Variants in HS2ST1 observed in about 807,000 individuals in gnomAD.
HS2ST1 encodes heparan sulfate 2-O-sulfotransferase 1, also known as 2-O-sulfotransferase.
In HS2ST1, 18 loss-of-function variants were observed where a neutral mutation model predicts 42.9. The ratio of observed to expected loss-of-function variants is 0.42; its 90% CI spans 0.29 to 0.62. The LOEUF (loss-of-function observed/expected upper bound fraction) is 0.62. HS2ST1 is among the 20% of genes least tolerant of loss of function. HS2ST1 has a pLI of 0.21. For synonymous variants in HS2ST1, 146 were observed against 152.9 expected, an observed-to-expected ratio of 0.95 and a Z score of 0.33; for missense variants, 334 against 433.8, an observed-to-expected ratio of 0.77 and a Z score of 2.04.
intron 1 of HS2ST1, among the ~76,000 whole-genome samples, chr1:86,995,009 G>A (rs1649058257): frequency 6.6e-6 from 1 of 151,760 alleles, no homozygotes; most frequent in African/African-American, 2.4e-5. Flanking sequence ...AAACATAAGG[G>A]GTACTGTATG....
chr1:86,915,147 C>G lies in HS2ST1; in HGVS notation c.111C>G (p.Ser37=), dbSNP rs1297776971. The change falls in exon 1 of 7, where the codon TCC becomes TCG. Residue 37 remains serine, a synonymous_variant. Coordinates refer to ENST00000370550, the MANE Select transcript of HS2ST1 (RefSeq NM_012262.4). ...LENQIQKLEE[S]RSKLERAIAR... ...ACCAGATCCAGAAACTGGAGGAGTCCCGCTCGAAGCTAGGTGAGGAACTGA... is the reference window on the plus strand; with the variant it reads ...ACCAGATCCAGAAACTGGAGGAGTCGCGCTCGAAGCTAGGTGAGGAACTGA... The G allele has an allele frequency of 3.1e-6, 5 of 1,613,542 alleles. No individual in the cohort carries two copies. The highest frequency in any genetic ancestry group is 4.2e-6 in the Non-Finnish European group (5 of 1,179,702).
intron 1 of HS2ST1, among the ~76,000 whole-genome samples, chr1:86,921,166 GC>G (rs894822504): frequency 7.5e-4 from 114 of 152,252 alleles, no homozygotes; most frequent in African/African-American, 2.7e-3. Flanking sequence ...GCTGAAGTAT[GC>G]TGTAGATGTC....
Position 87,073,045 on chromosome 1 carries a change from A to G in HS2ST1, c.236A>G (p.Asn79Ser). The change falls in exon 2 of 7, where the codon AAC becomes AGC. Residue 79 changes from asparagine to serine, a missense_variant. Coordinates refer to ENST00000370550, the MANE Select transcript of HS2ST1 (RefSeq NM_012262.4). ...GAAGAGGACATGGTGATCATTTATAACAGAGTTCCCAAAACGGCAAGCACT... is the reference window on the plus strand; with the variant it reads ...GAAGAGGACATGGTGATCATTTATAGCAGAGTTCCCAAAACGGCAAGCACT... Reference protein sequence around the residue: ...DEEEDMVIIYNRVPKTASTSF... With the variant: ...DEEEDMVIIYSRVPKTASTSF... The G allele has an allele frequency of 6.2e-7, 1 of 1,614,092 alleles. No homozygotes were observed. The highest frequency in any genetic ancestry group is 8.5e-7 in the Non-Finnish European group (1 of 1,179,962).
At chr1:87,017,036 A>C (rs548931870) in intron 1 of HS2ST1, among the ~76,000 whole-genome samples, 12 of 152,142 alleles carry the variant, frequency 7.9e-5, no homozygotes, top group Non-Finnish European at 1.6e-4. Flanking sequence ...TTTAGGTGTT[A>C]ACATGGGACT....
At chr1:86,916,473 TTGA>T (rs1425658985) in intron 1 of HS2ST1, among the ~76,000 whole-genome samples, 1 of 152,236 alleles carries the variant, frequency 6.6e-6, no homozygotes, top group Admixed American at 6.5e-5. Flanking sequence ...TGCAAAAGCC[TTGA>T]CATTTTAAAG....
chr1:87,006,462 A>C (rs890477962), intron 1 of HS2ST1, among the ~76,000 whole-genome samples: 1 of 152,146 alleles, frequency 6.6e-6, no homozygotes, highest in Non-Finnish European at 1.5e-5. Context: ...ATATATAGGC[A>C]ATGCCTGTCT....
chr1:87,067,736 A>T (rs533730392), intron 1 of HS2ST1, among the ~76,000 whole-genome samples: 1 of 152,090 alleles, frequency 6.6e-6, no homozygotes, highest in Admixed American at 6.6e-5. Context: ...TCTTGAGTTA[A>T]TTTTTGTGTA....
intron 5 of HS2ST1, among the ~76,000 whole-genome samples, chr1:87,101,147 G>GT (rs1557546414): frequency 1.1e-3 from 85 of 75,906 alleles, no homozygotes; most frequent in East Asian, 1.8e-3. Context: ...GTGTGTGTGT[G>GT]TGTTTTTTGT....
rs769367695 is a variant in HS2ST1, at chr1:86,971,678, A to G, written c.124+56518A>G. Among the ~76,000 whole-genome samples the G allele has an allele frequency of 5.3e-5, 8 of 152,340 alleles. No individual in the cohort carries two copies. The East Asian group carries it at 5.8e-4, about 11-fold the overall frequency. On this transcript the variant is annotated intron_variant, in intron 1 of 6. Transcript: ENST00000370550. The stretch of plus-strand genomic sequence containing the variant: ...ACAGAGTCCCTTGTAGTGTATATCT[A>G]TCATATATACTGCATTATGTTTGGT...
chr1:87,026,252 A>G (rs1021013611), intron 1 of HS2ST1, among the ~76,000 whole-genome samples: 2 of 152,194 alleles, frequency 1.3e-5, no homozygotes, highest in African/African-American at 2.4e-5. Flanking sequence ...AGATACGTTC[A>G]TGGGTTCTGA....
chr1:86,951,468 C>T (rs915089511), intron 1 of HS2ST1, among the ~76,000 whole-genome samples: 8 of 152,158 alleles, frequency 5.3e-5, no homozygotes, highest in Admixed American at 3.9e-4. Context: ...ATGCTGTAGT[C>T]TATTAAGTGT....
At chr1:86,965,825 C>T (rs1477887086) in intron 1 of HS2ST1, among the ~76,000 whole-genome samples, 2 of 152,040 alleles carry the variant, frequency 1.3e-5, no homozygotes, top group African/African-American at 4.8e-5. Flanking sequence ...TATTTCTACC[C>T]TCTCAGGAAA....
chr1:87,079,549 C>T (rs1357426680), intron 2 of HS2ST1, among the ~76,000 whole-genome samples: 1 of 152,166 alleles, frequency 6.6e-6, no homozygotes, highest in African/African-American at 2.4e-5. Context: ...GAAGGTAAAC[C>T]TCAGTTCAGC....
Position 87,106,499 on chromosome 1 carries a change from G to A in HS2ST1, c.*1803G>A, listed in dbSNP as rs1652326997. ...GCTTCACCATACTGTAAGCATTTTAGGTAGATTGCCTTAAAGGTTATGGGA... is the reference window on the plus strand; with the variant it reads ...GCTTCACCATACTGTAAGCATTTTAAGTAGATTGCCTTAAAGGTTATGGGA... On this transcript the variant is annotated 3_prime_UTR_variant, in exon 7 of 7. Coordinates refer to ENST00000370550, the MANE Select transcript of HS2ST1 (RefSeq NM_012262.4). 6.6e-6 allele frequency: 1 copy of A among 151,988 alleles called. No homozygotes were observed. The highest frequency in any genetic ancestry group is 6.6e-5 in the Admixed American group (1 of 15,238). The allele number at this position is 151,988 out of a possible 1,614,324, so 9.4% of individuals were successfully genotyped here. A position where few individuals can be genotyped will look rare whatever the true frequency, so the allele number is the denominator to read the frequency against.
chr1:86,973,629 C>T (rs894509278), intron 1 of HS2ST1, among the ~76,000 whole-genome samples: 4 of 152,146 alleles, frequency 2.6e-5, no homozygotes, highest in Middle Eastern at 3.4e-3. Context: ...GGAAGTTGAC[C>T]CAAAGGGAGC....
intron 1 of HS2ST1, among the ~76,000 whole-genome samples, chr1:87,000,793 C>T (rs1385706731): frequency 1.3e-5 from 2 of 152,182 alleles, no homozygotes; most frequent in Non-Finnish European, 2.9e-5. Context: ...GGAACATACA[C>T]AATTTTGCAC....
intron 5 of HS2ST1, among the ~76,000 whole-genome samples, chr1:87,103,039 T>C (rs1267303995): frequency 6.6e-6 from 1 of 152,204 alleles, no homozygotes; most frequent in Non-Finnish European, 1.5e-5. Context: ...ACTCACACAA[T>C]AAGCAGTAAA....
chr1:86,960,095 C>G (rs1647789765), intron 1 of HS2ST1, among the ~76,000 whole-genome samples: 1 of 151,996 alleles, frequency 6.6e-6, no homozygotes, highest in Non-Finnish European at 1.5e-5. Flanking sequence ...ATCATTGAAG[C>G]AAAATAGCGC....
intron 1 of HS2ST1, among the ~76,000 whole-genome samples, chr1:86,916,869 T>C (rs145712299): frequency 1.3e-5 from 2 of 152,354 alleles, no homozygotes; most frequent in Non-Finnish European, 2.9e-5. Context: ...TTAGACACGT[T>C]ACAGTGGGTT....
Sources: allele counts gnomAD v4.1 joint callset (sites outside exome capture counted in the v4.1 genomes callset), GRCh38; gene constraint gnomAD v4.1.1; transcripts MANE v1.5; gene names NCBI Gene and HGNC (gene_info 2026-07-23, HGNC 2026-07-21).